The following C7orf78 variants were observed in gnomAD, a reference collection of about 807,000 sequenced individuals.
The protein encoded by C7orf78 is chromosome 7 open reading frame 78.
the C7orf78 span, among the ~76,000 whole-genome samples, chr7:12,497,641 G>A: frequency 3.3e-5 from 5 of 152,302 alleles, no homozygotes. Context: ...CTGCAAGGCG[G>A]CAGCGAGGCT....
the C7orf78 span, chr7:12,541,590 T>C: frequency 1.3e-5 from 2 of 151,848 alleles, no homozygotes; most frequent in Non-Finnish European, 2.9e-5. Flanking sequence ...AAATTGTTCC[T>C]AGAAATAGAT....
At chr7:12,516,828 A>G in the C7orf78 span, among the ~76,000 whole-genome samples, 2 of 152,122 alleles carry the variant, frequency 1.3e-5, no homozygotes, top group Non-Finnish European at 2.9e-5. Flanking sequence ...TCCCATTTGG[A>G]ACTGCTGTAT....
chr7:12,506,644 G>C, the C7orf78 span, among the ~76,000 whole-genome samples: 2 of 152,106 alleles, frequency 1.3e-5, no homozygotes, highest in African/African-American at 2.4e-5. Flanking sequence ...CCTGTCATGG[G>C]GTGGGAGGCT....
At chr7:12,529,033 G>T in the C7orf78 span, 34 of 398,486 alleles carry the variant, frequency 8.5e-5, 2 homozygotes, top group South Asian at 3.1e-3. Context: ...TGTTAGATCT[G>T]CTTCATATAC....
chr7:12,498,718 C>G, the C7orf78 span, among the ~76,000 whole-genome samples: 3 of 150,842 alleles, frequency 2.0e-5, no homozygotes, highest in African/African-American at 7.3e-5. Context: ...CGTTCAGATT[C>G]AGGAAATACA....
At chr7:12,512,830 C>G in the C7orf78 span, among the ~76,000 whole-genome samples, 1 of 152,080 alleles carries the variant, frequency 6.6e-6, no homozygotes, top group Non-Finnish European at 1.5e-5. Context: ...TGAGAGCCTT[C>G]TTATTACAGA....
At chr7:12,529,382 T>C in the C7orf78 span, among the ~76,000 whole-genome samples, 3 of 128,366 alleles carry the variant, frequency 2.3e-5, no homozygotes, top group African/African-American at 3.6e-5. Flanking sequence ...TTTTTCATTA[T>C]TTATAATGTC....
chr7:12,503,005 T>G, the C7orf78 span, among the ~76,000 whole-genome samples: 1 of 148,130 alleles, frequency 6.8e-6, no homozygotes, highest in Admixed American at 6.7e-5. Flanking sequence ...ACACTGCATA[T>G]TCTCACTCAT....
At chr7:12,524,064 T>A in the C7orf78 span, among the ~76,000 whole-genome samples, 1 of 152,118 alleles carries the variant, frequency 6.6e-6, no homozygotes, top group Admixed American at 6.5e-5. Flanking sequence ...TAGAACAGGA[T>A]CTAGAAATAG....
chr7:12,500,480 A>C, the C7orf78 span, among the ~76,000 whole-genome samples: 49 of 150,660 alleles, frequency 3.3e-4, no homozygotes, highest in African/African-American at 1.2e-3. Context: ...GAAAATCTAG[A>C]AGAAATGGAT....
At chr7:12,535,324 C>G in the C7orf78 span, among the ~76,000 whole-genome samples, 2 of 152,290 alleles carry the variant, frequency 1.3e-5, no homozygotes, top group South Asian at 4.1e-4. Context: ...AAGTCACATC[C>G]TATGTGGATG....
At chr7:12,541,796 T>C in the C7orf78 span, 1 of 152,146 alleles carries the variant, frequency 6.6e-6, no homozygotes, top group South Asian at 2.1e-4. Flanking sequence ...ATTTGAATCT[T>C]CATTTTTCAG....
At chr7:12,486,310 T>C in the C7orf78 span, among the ~76,000 whole-genome samples, 1 of 152,032 alleles carries the variant, frequency 6.6e-6, no homozygotes, top group African/African-American at 2.4e-5. Context: ...AGTTCTATAG[T>C]TCATATGAGT....
chr7:12,502,770 A>G, the C7orf78 span, among the ~76,000 whole-genome samples: 3 of 144,528 alleles, frequency 2.1e-5, no homozygotes, highest in Non-Finnish European at 4.5e-5. Context: ...GCTGCTATAA[A>G]GACACATGCA....
the C7orf78 span, among the ~76,000 whole-genome samples, chr7:12,540,652 C>A: frequency 6.6e-6 from 1 of 152,094 alleles, no homozygotes; most frequent in Non-Finnish European, 1.5e-5. Flanking sequence ...CTGGTAAGTA[C>A]GAAAAATAAA....
the C7orf78 span, among the ~76,000 whole-genome samples, chr7:12,526,799 T>C: frequency 6.6e-6 from 1 of 152,096 alleles, no homozygotes; most frequent in East Asian, 1.9e-4. Flanking sequence ...TAGTATATGC[T>C]ATGTGTCACT....
At chr7:12,541,583 T>C in the C7orf78 span, 1 of 152,034 alleles carries the variant, frequency 6.6e-6, no homozygotes, top group African/African-American at 2.4e-5. Flanking sequence ...ACGGTTTAAA[T>C]TGTTCCTAGA....
chr7:12,540,181 C>A, the C7orf78 span, among the ~76,000 whole-genome samples: 1 of 152,140 alleles, frequency 6.6e-6, no homozygotes, highest in Admixed American at 6.5e-5. Flanking sequence ...AGCTTTGAGG[C>A]TTTTCCTCCA....
the C7orf78 span, among the ~76,000 whole-genome samples, chr7:12,526,253 G>T: frequency 6.6e-6 from 1 of 152,024 alleles, no homozygotes; most frequent in Non-Finnish European, 1.5e-5. Context: ...TCCTTATCTG[G>T]AAATGCAGAT....
Sources: allele counts gnomAD v4.1 joint callset (sites outside exome capture counted in the v4.1 genomes callset), GRCh38; gene constraint gnomAD v4.1.1; transcripts MANE v1.5; gene names NCBI Gene and HGNC (gene_info 2026-07-23, HGNC 2026-07-21).